The following CYP3A43 variants were observed in gnomAD, a reference collection of about 807,000 sequenced individuals.
The protein encoded by CYP3A43 is cytochrome P450 family 3 subfamily A member 43, also known as cytochrome P450 3A43.
A neutral mutation model predicts 58.0 loss-of-function variants in CYP3A43; 45 were observed. The ratio of observed to expected loss-of-function variants is 0.78; its 90% confidence interval spans 0.61 to 0.99. CYP3A43 has a LOEUF of 0.99. CYP3A43 is among the 50% of genes least tolerant of loss of function. The probability of loss-of-function intolerance (pLI) is 0.00; values close to 1 mark genes in which losing one functional copy is unlikely to be tolerated. For synonymous variants in CYP3A43, 191 were observed against 201.4 expected, an observed-to-expected ratio of 0.95 and a Z score of 0.44; for missense variants, 593 against 591.9, an observed-to-expected ratio of 1.00 and a Z score of -0.02.
chr7:99,850,450 C>G (rs544036952), intron 7 of CYP3A43, among the ~76,000 whole-genome samples: 42 of 152,058 alleles, frequency 2.8e-4, no homozygotes, highest in Non-Finnish European at 5.3e-4. Flanking sequence ...TTAGTAGAGA[C>G]GGGGTTTCTC....
At chr7:99,860,070 T>C in intron 10 of CYP3A43, 80 bp downstream of exon 10, 4 of 1,509,008 alleles carry the variant, frequency 2.7e-6, no homozygotes, top group Non-Finnish European at 3.5e-6. Flanking sequence ...GCCAGGACAA[T>C]TTTTGCAAAA....
At chr7:99,859,713 A>T (rs1373607118) in intron 9 of CYP3A43, 117 bp from the exon 10 acceptor site, 24 of 1,335,722 alleles carry the variant, frequency 1.8e-5, no homozygotes, top group Non-Finnish European at 2.5e-5. Flanking sequence ...GTGACTCTGA[A>T]TTGCTTTTCT....
At chr7:99,850,254 C>A (rs922864224) in intron 7 of CYP3A43, among the ~76,000 whole-genome samples, 2 of 150,934 alleles carry the variant, frequency 1.3e-5, no homozygotes, top group African/African-American at 2.4e-5. Context: ...CGCACCTGGC[C>A]TTTTTTTCTT....
At chr7:99,839,821 T>A (rs542944829) in intron 3 of CYP3A43, among the ~76,000 whole-genome samples, 1 of 152,346 alleles carries the variant, frequency 6.6e-6, no homozygotes, top group African/African-American at 2.4e-5. Context: ...TTGGACCAGG[T>A]GTGTCATTTG....
chr7:99,843,937 G>A (rs186022935), intron 3 of CYP3A43, among the ~76,000 whole-genome samples: 6 of 152,090 alleles, frequency 3.9e-5, no homozygotes, highest in Admixed American at 6.5e-5. Context: ...ATCACCCTTC[G>A]TTGTATGAAG....
At chr7:99,849,799 T>A in intron 7 of CYP3A43, 105 bp downstream of exon 7, 1 of 1,121,166 alleles carries the variant, frequency 8.9e-7, no homozygotes, top group Non-Finnish European at 1.2e-6. Context: ...TTCACCTACT[T>A]AAAATGTATA....
intron 1 of CYP3A43, among the ~76,000 whole-genome samples, chr7:99,833,279 G>C (rs1351975027): frequency 6.6e-6 from 1 of 152,178 alleles, no homozygotes; most frequent in African/African-American, 2.4e-5. Context: ...CCAGAGGACT[G>C]AGCTCTGAAC....
At chr7:99,842,569 C>G (rs1031327072) in intron 3 of CYP3A43, among the ~76,000 whole-genome samples, 3 of 152,044 alleles carry the variant, frequency 2.0e-5, no homozygotes, top group South Asian at 2.1e-4. Flanking sequence ...AGTTTTAACA[C>G]TTTTTACGTA....
intron 1 of CYP3A43, among the ~76,000 whole-genome samples, chr7:99,830,585 T>C (rs1584191125): frequency 6.6e-6 from 1 of 152,174 alleles, no homozygotes; most frequent in East Asian, 1.9e-4. Context: ...ATAATACTTG[T>C]TCTTTGGAGC....
intron 10 of CYP3A43, 41 bp downstream of exon 10, chr7:99,860,031 G>A: frequency 6.5e-7 from 1 of 1,534,994 alleles, no homozygotes; most frequent in Non-Finnish European, 8.7e-7. Flanking sequence ...AGAAGGTGAA[G>A]CCTCAGCAAG....
intron 1 of CYP3A43, among the ~76,000 whole-genome samples, chr7:99,832,848 A>ATGGAG (rs1816904267): frequency 6.6e-6 from 1 of 152,112 alleles, no homozygotes; most frequent in Non-Finnish European, 1.5e-5. Flanking sequence ...AGGCCTCCCC[A>ATGGAG]GCCATGGAGA....
At chr7:99,838,593 T>A in intron 2 of CYP3A43, 2 of 1,105,904 alleles carry the variant, frequency 1.8e-6, no homozygotes, top group Non-Finnish European at 2.4e-6. Flanking sequence ...TCATTCAATA[T>A]CTACACTAGT....
intron 7 of CYP3A43, among the ~76,000 whole-genome samples, chr7:99,854,228 A>ATT (rs34870860): frequency 7.9e-4 from 110 of 140,070 alleles, no homozygotes; most frequent in African/African-American, 2.6e-3. Context: ...AGTTTTGATA[A>ATT]TTTTTTTTTT....
intron 3 of CYP3A43, among the ~76,000 whole-genome samples, chr7:99,839,575 C>T (rs186409097): frequency 6.2e-4 from 94 of 152,284 alleles, no homozygotes; most frequent in Non-Finnish European, 1.1e-3. Context: ...TGGCATCACT[C>T]GTCTGGGGTA....
intron 4 of CYP3A43, among the ~76,000 whole-genome samples, chr7:99,845,807 G>A (rs1418935298): frequency 6.7e-6 from 1 of 149,060 alleles, no homozygotes; most frequent in Non-Finnish European, 1.5e-5. Flanking sequence ...AGACGGTCTC[G>A]CTCTGTAGCC....
chr7:99,854,155 G>A (rs183571241), intron 7 of CYP3A43, among the ~76,000 whole-genome samples: 172 of 150,770 alleles, frequency 1.1e-3, no homozygotes, highest in Non-Finnish European at 1.3e-3. Context: ...TACCTCCCCC[G>A]CCCCCACTAC....
chr7:99,845,256 T>A (rs1380110108), intron 4 of CYP3A43, among the ~76,000 whole-genome samples: 1 of 152,124 alleles, frequency 6.6e-6, no homozygotes, highest in Non-Finnish European at 1.5e-5. Context: ...CTCTATGGGG[T>A]TACTTTTTCA....
intron 1 of CYP3A43, among the ~76,000 whole-genome samples, chr7:99,832,656 G>A (rs1032573927): frequency 4.6e-5 from 7 of 150,920 alleles, no homozygotes; most frequent in East Asian, 2.0e-4. Context: ...AAACCTGCAC[G>A]TTGTGCACAT....
chr7:99,832,171 G>A (rs553953715), intron 1 of CYP3A43, among the ~76,000 whole-genome samples: 1 of 152,160 alleles, frequency 6.6e-6, no homozygotes, highest in Admixed American at 6.5e-5. Context: ...GAAAGAAGGT[G>A]TCAGCAAAGG....
Sources: allele counts gnomAD v4.1 joint callset (sites outside exome capture counted in the v4.1 genomes callset), GRCh38; gene constraint gnomAD v4.1.1; transcripts MANE v1.5; gene names NCBI Gene and HGNC (gene_info 2026-07-23, HGNC 2026-07-21).